Variants in LNX2 observed in about 807,000 individuals in gnomAD.
LNX2 encodes the protein ligand of numb-protein X 2, also known as ligand of Numb protein X 2.
A neutral mutation model predicts 66.2 loss-of-function variants in LNX2; 35 were observed. That is an observed-to-expected ratio of 0.53 (90% CI 0.40 to 0.70). The LOEUF is 0.70. Ranked by LOEUF, LNX2 falls within the 30% of genes least tolerant of loss-of-function variation. The pLI is 0.00. For synonymous variants in LNX2, 337 were observed against 315.6 expected (o/e 1.07, Z -0.72); for missense variants, 791 against 850.8 (o/e 0.93, Z 0.87).
At chr13:27,554,247 CCTTTA>C (rs757032051) in intron 7 of LNX2, among the ~76,000 whole-genome samples, 6 of 152,146 alleles carry the variant, frequency 3.9e-5, no homozygotes, top group Non-Finnish European at 8.8e-5. Context: ...GGACAAATAA[CCTTTA>C]CTTAATAGCA....
intron 4 of LNX2, among the ~76,000 whole-genome samples, 191 bp downstream of exon 4, chr13:27,567,449 T>C (rs979359704): frequency 7.2e-5 from 11 of 152,000 alleles, no homozygotes; most frequent in African/African-American, 2.7e-4. Context: ...AAAATTAAGA[T>C]AGGAAGAAAA....
At chr13:27,611,168 C>A (rs1011299633) in intron 1 of LNX2, among the ~76,000 whole-genome samples, 4 of 152,216 alleles carry the variant, frequency 2.6e-5, no homozygotes, top group African/African-American at 4.8e-5. Flanking sequence ...ATGCTTATGG[C>A]AGCACTATGA....
chr13:27,606,442 A>G (rs1242881029), intron 1 of LNX2, among the ~76,000 whole-genome samples: 3 of 151,932 alleles, frequency 2.0e-5, no homozygotes, highest in Non-Finnish European at 2.9e-5. Context: ...TTTGTTCACA[A>G]TTATATCCAA....
chr13:27,571,055 T>A (rs1329755095), intron 2 of LNX2, among the ~76,000 whole-genome samples: 1 of 152,164 alleles, frequency 6.6e-6, no homozygotes, highest in Non-Finnish European at 1.5e-5. Flanking sequence ...AAGAAAAATA[T>A]TAAAAATGAC....
intron 5 of LNX2, among the ~76,000 whole-genome samples, chr13:27,560,585 A>ATATATATATATATATATATATATATG (rs1555267008): frequency 1.4e-5 from 2 of 147,596 alleles, no homozygotes; most frequent in Non-Finnish European, 1.5e-5. Context: ...ATATATATAT[A>ATATATATATATATATATATATATATG]GCATACTTGT....
In LNX2 at chr13:27,556,256, C is replaced by T. The variant is rs746655734; in HGVS notation, c.1526G>A (p.Arg509Gln). 2.0e-5 allele frequency: 32 copies of T among 1,613,720 alleles called. No individual in the cohort carries two copies. The highest frequency in any genetic ancestry group is 1.1e-4 in the African/African-American group (8 of 74,888). The change falls in exon 7 of 10, where the codon CGA (arginine) becomes CAA (glutamine). Residue 509 changes from arginine (R) to glutamine (Q), a missense_variant. By Grantham distance (43) the Arg-to-Gln change is conservative. Coordinates refer to ENST00000316334, the MANE Select transcript of LNX2 (RefSeq NM_153371.4). ...TSVPPHGCLA[R>Q]DGRIKRGDVL... ...CTTACCTCTCTTTATTCTGCCATCT[C>T]GTGCAAGGCAGCCATGGGGTGGCAC...
intron 1 of LNX2, among the ~76,000 whole-genome samples, chr13:27,586,580 C>T (rs752530902): frequency 3.3e-5 from 5 of 152,208 alleles, no homozygotes; most frequent in African/African-American, 1.2e-4. Context: ...GACAATAATG[C>T]TTTCTTTCAG....
At chr13:27,615,701 G>A (rs185964697) in intron 1 of LNX2, among the ~76,000 whole-genome samples, 1 of 152,280 alleles carries the variant, frequency 6.6e-6, no homozygotes, top group Non-Finnish European at 1.5e-5. Flanking sequence ...TGTATGCCAG[G>A]AAACAGGGAT....
chr13:27,604,587 G>A (rs938556778), intron 1 of LNX2, among the ~76,000 whole-genome samples: 1 of 152,022 alleles, frequency 6.6e-6, no homozygotes, highest in Non-Finnish European at 1.5e-5. Flanking sequence ...TGGTAGAAGA[G>A]ATTACACACT....
intron 1 of LNX2, among the ~76,000 whole-genome samples, chr13:27,619,125 C>A (rs886750513): frequency 2.6e-5 from 4 of 152,200 alleles, no homozygotes; most frequent in Non-Finnish European, 5.9e-5. Context: ...ATGTAACACA[C>A]AAGTGGGCCG....
At chr13:27,591,675 T>C (rs1171068001) in intron 1 of LNX2, among the ~76,000 whole-genome samples, 2 of 152,208 alleles carry the variant, frequency 1.3e-5, no homozygotes, top group African/African-American at 4.8e-5. Flanking sequence ...GGTTAGGAGT[T>C]GAGCACTGAA....
chr13:27,583,236 G>GCGCGCGCGTCCTCTCCTATATAACTT (rs1593252874), intron 1 of LNX2, among the ~76,000 whole-genome samples: 2 of 21,836 alleles, frequency 9.2e-5, no homozygotes, highest in East Asian at 2.3e-3. Flanking sequence ...GTGTGTGTGT[G>GCGCGCGCGTCCTCTCCTATATAACTT]TGTGTGTGTG....
At chr13:27,584,206 C>T (rs542722897) in intron 1 of LNX2, among the ~76,000 whole-genome samples, 2 of 152,162 alleles carry the variant, frequency 1.3e-5, no homozygotes, top group East Asian at 1.9e-4. Flanking sequence ...TCTCCAATCA[C>T]GTATATGTAT....
Position 27,583,261 on chromosome 13 carries a change from C to CCGCGT in LNX2, c.-100-1459_-100-1458insACGCG, listed in dbSNP as rs1555268535. Among the ~76,000 whole-genome samples, 24 of 45,480 alleles carry CCGCGT rather than the reference C, an allele frequency of 5.3e-4. 5 individuals are homozygous for CCGCGT. The highest frequency in any genetic ancestry group is 9.5e-4 in the Non-Finnish European group (21 of 22,058). The allele number at this position is 45,480 out of a possible 152,430, so 29.8% of individuals were successfully genotyped here. Reference sequence around the variant, plus strand: ...GTGTGTGTGTGTGTGTGTGTGCGCGCGTCCTCTCCAACATACTTATTTTTA... The same window carrying CCGCGT: ...GTGTGTGTGTGTGTGTGTGTGCGCGCCGCGTGTCCTCTCCAACATACTTATTTTTA... On this transcript the variant is annotated intron_variant, in intron 1 of 9. Coordinates refer to ENST00000316334, the MANE Select transcript of LNX2 (RefSeq NM_153371.4).
chr13:27,564,006 G>A (rs1955173358), intron 4 of LNX2, among the ~76,000 whole-genome samples: 1 of 152,174 alleles, frequency 6.6e-6, no homozygotes, highest in Non-Finnish European at 1.5e-5. Flanking sequence ...TTAGAAAGCA[G>A]CTTCTAAAAA....
At position 27,562,557 on chromosome 13, in the gene LNX2, A is replaced by T; in HGVS notation, c.1080T>A (p.Asp360Glu). 6.2e-7 allele frequency: 1 copy of T among 1,614,160 alleles called. No individual in the cohort carries two copies. Among genetic ancestry groups the T allele is most frequent in the Non-Finnish European group, 8.5e-7 (1 of 1,180,020 alleles). Residue 360 changes from aspartate (D) to glutamate (E), a missense_variant, in exon 5 of 10, where the codon GAT (aspartate) becomes GAA (glutamate). Transcript: ENST00000316334. The stretch of plus-strand genomic sequence containing the variant: ...GGTCAAGAATAAAAACCCCTGGCTC[A>T]TCTGTCCTTCGCACCAATTTAATGC... Reference protein sequence around the residue: ...QLGIKLVRRTDEPGVFILDLL... With the variant: ...QLGIKLVRRTEEPGVFILDLL...
In LNX2 at chr13:27,581,780, T is replaced by C; in HGVS notation, c.-77A>G. 1 of 1,262,762 alleles carries C rather than the reference T, an allele frequency of 7.9e-7. No individual in the cohort carries two copies. The highest frequency in any genetic ancestry group is 1.1e-6 in the Non-Finnish European group (1 of 917,342). The allele number at this position is 1,262,762 out of a possible 1,614,324, so 78.2% of individuals were successfully genotyped here. On this transcript the variant is annotated 5_prime_UTR_variant, in exon 2 of 10. Coordinates refer to ENST00000316334, the MANE Select transcript of LNX2 (RefSeq NM_153371.4). Reference sequence around the variant, plus strand: ...TTCCTTTAACAGACAGTGATGTATCTGACTAAAGTCAAGGTGTGTTTTTCT... The same window carrying C: ...TTCCTTTAACAGACAGTGATGTATCCGACTAAAGTCAAGGTGTGTTTTTCT...
chr13:27,558,309 C>G (rs1245469464), intron 6 of LNX2, among the ~76,000 whole-genome samples: 2 of 151,912 alleles, frequency 1.3e-5, no homozygotes, highest in African/African-American at 2.4e-5. Context: ...GTTTTTCTAA[C>G]CAGCCAGGTT....
intron 1 of LNX2, among the ~76,000 whole-genome samples, chr13:27,597,888 T>A (rs1382827930): frequency 1.3e-5 from 2 of 152,096 alleles, no homozygotes; most frequent in Non-Finnish European, 1.5e-5. Flanking sequence ...CATCAAAATA[T>A]CCCTATATTC....
Sources: gnomAD v4.1 joint callset for allele counts (sites outside exome capture counted in the v4.1 genomes callset) on GRCh38, gnomAD v4.1.1 for gene constraint, MANE v1.5 for transcripts, NCBI Gene and HGNC (gene_info 2026-07-23, HGNC 2026-07-21) for gene names.